Variants in AVIL observed in about 807,000 individuals in gnomAD.
AVIL encodes advillin.
AVIL carries 78 observed loss-of-function variants against 109.9 expected under a neutral mutation model. The observed-to-expected ratio is 0.71, with a 90% CI of 0.59 to 0.86. AVIL has a LOEUF of 0.86. Among genes scored for constraint, AVIL ranks in the 40% least tolerant of loss-of-function variants. The probability of loss-of-function intolerance (pLI) is 0.00; values close to 1 mark genes in which losing one functional copy is unlikely to be tolerated. For synonymous variants in AVIL, 367 were observed against 379.1 expected (o/e 0.97, Z 0.37); for missense variants, 892 against 1,016.5 (o/e 0.88, Z 1.67).
At chr12:57,801,372 G>T in intron 17 of AVIL, 160 bp from the exon 18 acceptor site, 1 of 561,728 alleles carries the variant, frequency 1.8e-6, no homozygotes, top group East Asian at 3.1e-5. Flanking sequence ...GGTCCATGCA[G>T]GCTTGAAAGG....
chr12:57,809,975 G>T, intron 7 of AVIL, 85 bp from the exon 8 acceptor site: 1 of 1,434,110 alleles, frequency 7.0e-7, no homozygotes, highest in Non-Finnish European at 9.7e-7. Flanking sequence ...TTTGGTTTTA[G>T]TTTGGAGTTT....
At position 57,808,894 on chromosome 12, in the gene AVIL, CA is replaced by C. The variant is rs1456163658; in HGVS notation, c.940-347del. 1.1e-5 allele frequency: 3 copies of C among 265,130 alleles called. No individual in the cohort carries two copies. The Admixed American group carries it at 1.5e-4, about 13-fold the overall frequency. The allele number at this position is 265,130 out of a possible 1,614,324, so 16.4% of individuals were successfully genotyped here. A position where few individuals can be genotyped will look rare whatever the true frequency, so the allele number is the denominator to read the frequency against. ...CTTGGTTCATCTGCATGGATCTGCA[CA>C]AATATAAGCTCCTTGAGGACAGGGC... is the stretch of plus-strand genomic sequence containing the variant. On this transcript the variant is annotated intron_variant, in intron 9 of 19. Coordinates refer to ENST00000549994, the MANE Select transcript of AVIL (RefSeq NM_006576.4).
At chr12:57,814,449 C>A in intron 2 of AVIL, 1 of 539,324 alleles carries the variant, frequency 1.9e-6, no homozygotes, top group Non-Finnish European at 3.4e-6. Flanking sequence ...ACCTTGGTCC[C>A]TATCCTGCTT....
At position 57,806,388 on chromosome 12, in the gene AVIL, T is replaced by G. The variant is rs1955946215; in HGVS notation, c.1643A>C (p.Gln548Pro). ...GCCATACCACAGGTAGTGCTCTGCC[T>G]GAGTTCGCAGCAGAAAGACATCATT... ...NSNDVFLLRT[Q>P]AEHYLWYGKG... Residue 548 changes from glutamine (Q) to proline (P), a missense_variant, in exon 14 of 20, where the codon CAG becomes CCG. Transcript: ENST00000549994. The G allele has an allele frequency of 6.2e-7, 1 of 1,614,094 alleles. No individual in the cohort carries two copies.
rs1020568133 is a variant in AVIL at position 57,801,129 on chromosome 12, G to A, written c.2220+15C>T. 16 of 1,612,310 alleles carry A rather than the reference G, an allele frequency of 9.9e-6. No homozygotes were observed. Among genetic ancestry groups the A allele is most frequent in the African/African-American group, 1.3e-5 (1 of 74,866 alleles). ...CCCATGTGGCTGGCTTCTCCCAAGA[G>A]CGAACCCGACTCACAGCAGTGATTC... On this transcript the variant is annotated intron_variant, in intron 18 of 19. Coordinates refer to ENST00000549994, the MANE Select transcript of AVIL (RefSeq NM_006576.4).
At chr12:57,808,061 A>C (rs1816612052) in intron 11 of AVIL, 133 bp downstream of exon 11, 2 of 1,064,536 alleles carry the variant, frequency 1.9e-6, no homozygotes, top group African/African-American at 3.1e-5. Context: ...CAAGACTCTT[A>C]AAGAAGACTC....
At chr12:57,801,878 G>A (rs1405716934) in intron 17 of AVIL, among the ~76,000 whole-genome samples, 4 of 152,174 alleles carry the variant, frequency 2.6e-5, no homozygotes, top group African/African-American at 7.2e-5. Context: ...TGGCTATCAG[G>A]ATTGTTGTAA....
In AVIL at chr12:57,802,159, C is replaced by G; in HGVS notation, c.2151+1G>C. ...AGAGCTTCCCTACTCTCTTTTCTTA[C>G]ACTCCAAATGTTAGGGTCCCAGGCT... On this transcript the variant is annotated splice_donor_variant, in intron 17 of 19. Coordinates refer to ENST00000549994, the MANE Select transcript of AVIL (RefSeq NM_006576.4). LOFTEE classifies it high-confidence loss of function. The G allele has an allele frequency of 1.2e-6, 2 of 1,613,790 alleles. No homozygotes were observed. Among genetic ancestry groups the G allele is most frequent in the South Asian group, 1.1e-5 (1 of 91,056 alleles).
At chr12:57,807,959 C>T in intron 11 of AVIL, 2 of 804,214 alleles carry the variant, frequency 2.5e-6, no homozygotes, top group Non-Finnish European at 4.2e-6. Flanking sequence ...CTTTGCAAGG[C>T]TGAGCAATGA....
intron 2 of AVIL, 91 bp from the exon 3 acceptor site, chr12:57,814,317 GGT>G: frequency 7.6e-7 from 1 of 1,313,748 alleles, no homozygotes. Context: ...CGGTGCAGGT[GGT>G]GGGGAGAAGG....
intron 14 of AVIL, 98 bp downstream of exon 14, chr12:57,806,262 C>A: frequency 7.1e-7 from 1 of 1,399,510 alleles, no homozygotes; most frequent in Non-Finnish European, 1.0e-6. Context: ...AGCAAGCACT[C>A]CAGCCTACTC....
Position 57,811,068 on chromosome 12 carries a change from A to ACGT in AVIL, c.395_397dup (p.Asp132dup), listed in dbSNP as rs1351858127. 1.2e-6 allele frequency: 2 copies of ACGT among 1,614,136 alleles called. No homozygotes were observed. The highest frequency in any genetic ancestry group is 2.2e-5 in the South Asian group (2 of 91,074). ...CCCTTTCACATGTAGCAGCCGCTTC[A>ACGT]CGTCGTAGGTATTGGTCTCCACGTG... On this transcript the variant is annotated inframe_insertion, in exon 5 of 20. Transcript: ENST00000549994.
intron 2 of AVIL, chr12:57,815,444 T>G (rs1339026175): frequency 1.8e-6 from 1 of 550,402 alleles, no homozygotes; most frequent in Non-Finnish European, 2.7e-6. Flanking sequence ...GGAATCCTCG[T>G]ATCTGGCAGG....
chr12:57,802,418 T>C (rs891429027), intron 16 of AVIL, 70 bp from the exon 17 acceptor site: 29 of 1,488,642 alleles, frequency 1.9e-5, no homozygotes, highest in Admixed American at 7.9e-5. Flanking sequence ...TCATACACAT[T>C]ACCCTATCTT....
rs796713236 is a variant in AVIL at position 57,809,153 on chromosome 12, A to G, written c.939+444T>C. ...GCCTGGACTACCGGCATGCGCCACC[A>G]TGCCTGGATAATTTTTTTTGTATCT... On this transcript the variant is annotated intron_variant, in intron 9 of 19. Coordinates refer to ENST00000549994, the MANE Select transcript of AVIL (RefSeq NM_006576.4). The G allele has an allele frequency of 4.1e-5, 7 of 171,514 alleles. No individual in the cohort carries two copies. The South Asian group carries it at 9.8e-4, about 24-fold the overall frequency. 10.6% of individuals were successfully genotyped at this position (171,514 alleles called of 1,614,324 possible).
At chr12:57,814,086 T>G in intron 3 of AVIL, 66 bp downstream of exon 3, 3 of 1,551,728 alleles carry the variant, frequency 1.9e-6, no homozygotes, top group South Asian at 2.3e-5. Context: ...CCAGCACATC[T>G]CCCAGTACAG....
In AVIL at chr12:57,797,764, T is replaced by C; in HGVS notation, c.*118A>G. The stretch of plus-strand genomic sequence containing the variant: ...AGAACATGCCGTGATTTGCAGACTC[T>C]ATTATATCTAAATTAAGTAGCTGAA... On this transcript the variant is annotated 3_prime_UTR_variant, in exon 20 of 20. Transcript: ENST00000549994. The C allele has an allele frequency of 1.2e-6, 1 of 846,830 alleles. No individual in the cohort carries two copies. Among genetic ancestry groups the C allele is most frequent in the Non-Finnish European group, 1.7e-6 (1 of 595,244 alleles). 52.5% of individuals were successfully genotyped at this position (846,830 alleles called of 1,614,324 possible). A position where few individuals can be genotyped will look rare whatever the true frequency, so the allele number is the denominator to read the frequency against.
chr12:57,814,246 G>A lies in AVIL; in HGVS notation c.67-20C>T, dbSNP rs1956074368. Reference sequence around the variant, plus strand: ...CATTTTCTGGAAGGACAAGGGGTGGGTATAGGCTACATCCCCTCCCACCTC... The same window carrying A: ...CATTTTCTGGAAGGACAAGGGGTGGATATAGGCTACATCCCCTCCCACCTC... On this transcript the variant is annotated intron_variant, in intron 2 of 19. Transcript: ENST00000549994. 8.7e-6 allele frequency: 14 copies of A among 1,606,290 alleles called. No homozygotes were observed. The highest frequency in any genetic ancestry group is 1.2e-5 in the Non-Finnish European group (14 of 1,176,844).
At chr12:57,806,673 G>T in intron 13 of AVIL, 134 bp from the exon 14 acceptor site, 2 of 946,450 alleles carry the variant, frequency 2.1e-6, no homozygotes, top group Non-Finnish European at 3.1e-6. Flanking sequence ...ACTGGAAAGG[G>T]TCAGGGTAAG....
Sources: gnomAD v4.1 joint callset for allele counts (sites outside exome capture counted in the v4.1 genomes callset) on GRCh38, gnomAD v4.1.1 for gene constraint, MANE v1.5 for transcripts, NCBI Gene and HGNC (gene_info 2026-07-23, HGNC 2026-07-21) for gene names.